Variants in TRPM6 observed in about 807,000 individuals in gnomAD.
TRPM6 encodes the protein channel kinase 2.
Under a neutral mutation model 247.6 loss-of-function variants are expected in TRPM6, and 111 were observed. That is an observed-to-expected ratio of 0.45 (90% CI 0.38 to 0.52). The LOEUF (loss-of-function observed/expected upper bound fraction) is 0.52. Ranked by LOEUF, TRPM6 falls within the 20% of genes least tolerant of loss-of-function variation. The pLI, the probability that TRPM6 is intolerant of heterozygous loss-of-function variation, is 0.00. For synonymous variants in TRPM6, 892 were observed against 853.8 expected (o/e 1.04, Z -0.78); for missense variants, 2,126 against 2,421.5 (o/e 0.88, Z 2.56).
intron 8 of TRPM6, 125 bp from the exon 9 acceptor site, chr9:74,820,552 G>A (rs1829102140): frequency 2.5e-6 from 3 of 1,196,780 alleles, no homozygotes; most frequent in Admixed American, 2.0e-5. Flanking sequence ...TCTGCCAGAA[G>A]AGCAAATGAG....
intron 36 of TRPM6, among the ~76,000 whole-genome samples, chr9:74,736,191 A>C (rs762641057): frequency 3.9e-5 from 6 of 152,188 alleles, no homozygotes; most frequent in Non-Finnish European, 5.9e-5. Context: ...TTAAGTGCCT[A>C]ATACTATTTT....
Position 74,786,045 on chromosome 9 carries a change from C to A in TRPM6, c.2748G>T (p.Val916=), listed in dbSNP as rs773219120. The change falls in exon 21 of 39, where the codon GTG becomes GTT. Residue 916 remains valine, a synonymous_variant. Transcript: ENST00000360774. The part of the protein sequence containing the change: ...ISEYWNLTET[V]AIGLFSAGFV... ...AGCCAGCTGAAAACAGGCCAATGGC[C>A]ACAGTTTCTGTTAAGTTCCAGTACT... 10 of 1,614,078 alleles carry A rather than the reference C, an allele frequency of 6.2e-6. No homozygotes were observed. The highest frequency in any genetic ancestry group is 8.5e-6 in the Non-Finnish European group (10 of 1,180,040).
intron 8 of TRPM6, among the ~76,000 whole-genome samples, chr9:74,820,900 A>G (rs1829110938): frequency 6.6e-6 from 1 of 152,172 alleles, no homozygotes. Context: ...TGAAACCCTA[A>G]AAGGTTTAAT....
chr9:74,861,320 A>G (rs764162377), intron 1 of TRPM6, among the ~76,000 whole-genome samples: 39 of 152,210 alleles, frequency 2.6e-4, no homozygotes, highest in Non-Finnish European at 4.9e-4. Flanking sequence ...CCTGCTCTCA[A>G]GGAAGTTAGA....
intron 3 of TRPM6, among the ~76,000 whole-genome samples, chr9:74,851,420 T>A (rs1015821617): frequency 6.6e-6 from 1 of 152,038 alleles, no homozygotes; most frequent in African/African-American, 2.4e-5. Context: ...TCTCAAAATA[T>A]TTTTCAGGGA....
chr9:74,846,620 C>G (rs1198410680), intron 3 of TRPM6, among the ~76,000 whole-genome samples: 1 of 152,092 alleles, frequency 6.6e-6, no homozygotes. Flanking sequence ...GATCTCTGCT[C>G]ACTGCCACCT....
At chr9:74,785,748 C>A in intron 21 of TRPM6, 126 bp downstream of exon 21, 1 of 1,035,990 alleles carries the variant, frequency 9.7e-7, no homozygotes, top group South Asian at 1.3e-5. Flanking sequence ...TGTTCTTGAT[C>A]TCCTGACCTT....
At chr9:74,755,144 T>G (rs1462438736) in intron 28 of TRPM6, among the ~76,000 whole-genome samples, 1 of 152,216 alleles carries the variant, frequency 6.6e-6, no homozygotes, top group African/African-American at 2.4e-5. Flanking sequence ...TTAATTTTTC[T>G]TTTCTGGAGT....
At chr9:74,883,191 T>C (rs1484953405) in intron 1 of TRPM6, among the ~76,000 whole-genome samples, 1 of 152,116 alleles carries the variant, frequency 6.6e-6, no homozygotes, top group African/African-American at 2.4e-5. Context: ...GTGTCAGAAT[T>C]TCCCTCCATT....
chr9:74,739,496 A>T (rs757840453), intron 34 of TRPM6, 47 bp from the exon 35 acceptor site: 1 of 1,581,994 alleles, frequency 6.3e-7, no homozygotes, highest in South Asian at 1.1e-5. Context: ...ACTGTTGTAC[A>T]GCTATGATCA....
chr9:74,739,416 T>C lies in TRPM6; in HGVS notation c.5521A>G (p.Ile1841Val), dbSNP rs1399298555. 6.2e-7 allele frequency: 1 copy of C among 1,614,148 alleles called. No homozygotes were observed. Among genetic ancestry groups the C allele is most frequent in the Non-Finnish European group, 8.5e-7 (1 of 1,180,024 alleles). The change falls in exon 35 of 39, where the codon ATC becomes GTC. Residue 1841 changes from isoleucine (I) to valine (V), a missense_variant. Transcript: ENST00000360774. ...IQQQRAAQKL[I>V]YTFNQVKPQT... The stretch of plus-strand genomic sequence containing the variant: ...GGTTTCACTTGGTTGAAGGTATAGA[T>C]CAATTTTTGAGCAGCTCTTTGTTGT...
At position 74,782,691 on chromosome 9, in the gene TRPM6, C is replaced by A; in HGVS notation, c.3082G>T (p.Gly1028Ter). The change falls in exon 22 of 39, where the codon GGA becomes TGA. Residue 1028 changes from glycine to a stop codon, truncating the protein, a stop_gained. Transcript: ENST00000360774. LOFTEE classifies it high-confidence loss of function. ...ATCCCATACACACCATCTATTTCTCCAGCATAGACTTCTCCGTATATCATC... is the reference window on the plus strand; with the variant it reads ...ATCCCATACACACCATCTATTTCTCAAGCATAGACTTCTCCGTATATCATC... The part of the protein sequence containing the change: ...YWMIYGEVYA[G>*]EIDVCSSQPS... 1 of 1,614,176 alleles carries A rather than the reference C, an allele frequency of 6.2e-7. No individual in the cohort carries two copies. Among genetic ancestry groups the A allele is most frequent in the Non-Finnish European group, 8.5e-7 (1 of 1,180,016 alleles).
At position 74,723,726 on chromosome 9, in the gene TRPM6, C is replaced by T. The variant is rs1308157878; in HGVS notation, c.*887G>A. 2.7e-5 allele frequency: 4 copies of T among 150,544 alleles called. No individual in the cohort carries two copies. In the East Asian group the frequency reaches 7.8e-4, roughly 29 times the overall value. 9.3% of individuals were successfully genotyped at this position (150,544 alleles called of 1,614,324 possible). A position where few individuals can be genotyped will look rare whatever the true frequency, so the allele number is the denominator to read the frequency against. ...CTGAGACACAAGAATCGCTCAAGCC[C>T]GGGAGGCAGAGGTTGCAGTGAGATC... On this transcript the variant is annotated 3_prime_UTR_variant, in exon 39 of 39. Coordinates refer to ENST00000360774, the MANE Select transcript of TRPM6 (RefSeq NM_017662.5).
intron 16 of TRPM6, among the ~76,000 whole-genome samples, chr9:74,800,901 T>G (rs1564020912): frequency 9.1e-6 from 1 of 109,926 alleles, no homozygotes; most frequent in Non-Finnish European, 1.8e-5. Context: ...CCTAATAAAG[T>G]GTGTTTTTTT....
intron 3 of TRPM6, among the ~76,000 whole-genome samples, chr9:74,848,197 G>C (rs902550879): frequency 6.6e-6 from 1 of 152,140 alleles, no homozygotes; most frequent in Admixed American, 6.6e-5. Flanking sequence ...ATTAAGCTGA[G>C]AACTTTCACC....
chr9:74,804,559 A>G, intron 14 of TRPM6: 1 of 741,874 alleles, frequency 1.3e-6, no homozygotes, highest in Non-Finnish European at 2.5e-6. Context: ...GTGACCAAGG[A>G]GGAATTTCAG....
rs1249179278 is a variant in TRPM6, at chr9:74,855,598, G to A, written c.114-33C>T. On this transcript the variant is annotated intron_variant, in intron 2 of 38. Transcript: ENST00000360774. ...AAAGAAATAAAACCTCTGTTAGTTT[G>A]TTGGTGTATCTGAAAATACATTTAA... The A allele has an allele frequency of 3.7e-5, 54 of 1,443,224 alleles. 2 individuals carry two copies. The Admixed American group carries it at 8.9e-4, about 24-fold the overall frequency. The allele number at this position is 1,443,224 out of a possible 1,614,324, so 89.4% of individuals were successfully genotyped here.
chr9:74,837,071 C>T (rs745926552), intron 5 of TRPM6, among the ~76,000 whole-genome samples: 6 of 152,200 alleles, frequency 3.9e-5, no homozygotes, highest in Non-Finnish European at 5.9e-5. Context: ...ATTCAGGGTC[C>T]GTGTTACTCC....
At chr9:74,847,362 G>A (rs752796956) in intron 3 of TRPM6, among the ~76,000 whole-genome samples, 9 of 151,922 alleles carry the variant, frequency 5.9e-5, no homozygotes, top group Non-Finnish European at 8.8e-5. Flanking sequence ...TATCACGTCC[G>A]GCTAATTTGG....
Sources: allele counts gnomAD v4.1 joint callset (sites outside exome capture counted in the v4.1 genomes callset), GRCh38; gene constraint gnomAD v4.1.1; transcripts MANE v1.5; gene names NCBI Gene and HGNC (gene_info 2026-07-23, HGNC 2026-07-21).